TNFRSF10C: variants seen among roughly 807,000 people sequenced by gnomAD.
The protein encoded by TNFRSF10C is tumor necrosis factor receptor superfamily member 10C.
In TNFRSF10C, 17 loss-of-function variants were observed where a neutral mutation model predicts 16.7. The observed-to-expected ratio is 1.02, with a 90% CI of 0.70 to 1.53. The LOEUF (loss-of-function observed/expected upper bound fraction) is 1.53, where lower values mean the gene tolerates loss of function less well. TNFRSF10C is among the 40% of genes most tolerant of loss of function. The pLI is 0.00. For missense variants in TNFRSF10C, 237 were observed against 329.7 expected (o/e 0.72, Z 2.18); for synonymous variants, 73 against 119.7 (o/e 0.61, Z 2.55).
chr8:23,112,027 C>T (rs932810787), intron 2 of TNFRSF10C, among the ~76,000 whole-genome samples: 10 of 152,120 alleles, frequency 6.6e-5, no homozygotes, highest in Non-Finnish European at 1.5e-4. Context: ...GGATACAGAG[C>T]CCTGGGATAA....
In TNFRSF10C at chr8:23,111,408, G is replaced by C. The variant is rs184517096; in HGVS notation, c.61-312G>C. Among the ~76,000 whole-genome samples, 11 of 151,982 alleles carry C rather than the reference G, an allele frequency of 7.2e-5. 1 individual carries two copies. In the South Asian group the frequency reaches 1.9e-3, roughly 26 times the overall value. On this transcript the variant is annotated intron_variant, in intron 1 of 4. Coordinates refer to ENST00000356864, the MANE Select transcript of TNFRSF10C (RefSeq NM_003841.5). ...ATTTTTGTATTTTTAGTAGAGACAG[G>C]GTTTCACCGTGTTGGCCAGGATGGT...
intron 3 of TNFRSF10C, 85 bp from the exon 4 acceptor site, chr8:23,115,423 G>A: frequency 8.5e-7 from 1 of 1,176,116 alleles, no homozygotes; most frequent in East Asian, 2.4e-5. Context: ...ACTTGGTTGA[G>A]CTGAGTGGGA....
chr8:23,109,744 A>G (rs1472431839), intron 1 of TNFRSF10C, among the ~76,000 whole-genome samples: 2 of 152,158 alleles, frequency 1.3e-5, no homozygotes, highest in Non-Finnish European at 2.9e-5. Flanking sequence ...GAAGGAGCAT[A>G]AATCAAAGAA....
At chr8:23,115,655 A>G in intron 4 of TNFRSF10C, 39 bp downstream of exon 4, 1 of 1,527,866 alleles carries the variant, frequency 6.5e-7, no homozygotes, top group Non-Finnish European at 9.0e-7. Context: ...GCTTTCAGGA[A>G]CCCGAGAAGA....
chr8:23,109,854 T>A (rs950235690), intron 1 of TNFRSF10C, among the ~76,000 whole-genome samples: 1 of 151,726 alleles, frequency 6.6e-6, no homozygotes, highest in Admixed American at 6.6e-5. Context: ...TCACTTGAGC[T>A]CAGGAGTTAA....
chr8:23,116,352 T>G (rs537552985), intron 4 of TNFRSF10C, among the ~76,000 whole-genome samples: 2 of 152,120 alleles, frequency 1.3e-5, no homozygotes, highest in African/African-American at 4.8e-5. Context: ...TCCCCTGGAG[T>G]GTGGCTCCTC....
Position 23,103,264 on chromosome 8 carries a change from T to C in TNFRSF10C, c.60+83T>C, listed in dbSNP as rs60368371. 1.9e-6 allele frequency: 3 copies of C among 1,557,240 alleles called. No homozygotes were observed. The East Asian group carries it at 7.1e-5, about 37-fold the overall frequency. On this transcript the variant is annotated intron_variant, in intron 1 of 4. Transcript: ENST00000356864. ...CAGGGAGACGGGGACACGGCAGGGA[T>C]GCCTGGCCCTGGTCACCTGCGGCCG...
chr8:23,105,809 C>T (rs190053767), intron 1 of TNFRSF10C, among the ~76,000 whole-genome samples: 66 of 152,328 alleles, frequency 4.3e-4, no homozygotes, highest in African/African-American at 1.5e-3. Flanking sequence ...ATCCTGCTTC[C>T]AGCCAGAGAA....
chr8:23,107,115 G>A (rs1813793415), intron 1 of TNFRSF10C, among the ~76,000 whole-genome samples: 1 of 152,160 alleles, frequency 6.6e-6, no homozygotes, highest in Non-Finnish European at 1.5e-5. Flanking sequence ...TGCCAAGACA[G>A]GCAGATCACT....
intron 1 of TNFRSF10C, among the ~76,000 whole-genome samples, chr8:23,105,367 T>G (rs926432024): frequency 2.0e-5 from 3 of 152,200 alleles, no homozygotes; most frequent in Non-Finnish European, 4.4e-5. Context: ...GCACCTGTCC[T>G]CCATCCAGCA....
intron 2 of TNFRSF10C, 135 bp downstream of exon 2, chr8:23,111,960 A>G: frequency 1.1e-6 from 1 of 920,200 alleles, no homozygotes; most frequent in South Asian, 1.6e-5. Flanking sequence ...TCACATACTT[A>G]ATCATGTATT....
At chr8:23,113,707 A>G (rs762998949) in intron 2 of TNFRSF10C, among the ~76,000 whole-genome samples, 2 of 152,202 alleles carry the variant, frequency 1.3e-5, no homozygotes, top group African/African-American at 4.8e-5. Flanking sequence ...CTTTTGTAAC[A>G]CGTTTTAAAA....
In TNFRSF10C at chr8:23,114,788, C is replaced by G. The variant is rs746539479; in HGVS notation, c.280+18C>G. 2.3e-5 allele frequency: 37 copies of G among 1,604,826 alleles called. No homozygotes were observed. The East Asian group carries it at 8.2e-4, about 36-fold the overall frequency. On this transcript the variant is annotated intron_variant, in intron 3 of 4. Coordinates refer to ENST00000356864, the MANE Select transcript of TNFRSF10C (RefSeq NM_003841.5). ...TAAATCAGGTACAGAATGTGTGGACCTCTTGTCCAGAGGTGGAGCGTGGGG... is the reference window on the plus strand; with the variant it reads ...TAAATCAGGTACAGAATGTGTGGACGTCTTGTCCAGAGGTGGAGCGTGGGG...
intron 1 of TNFRSF10C, 168 bp downstream of exon 1, chr8:23,103,349 C>T (rs1272825029): frequency 7.7e-7 from 1 of 1,306,398 alleles, no homozygotes; most frequent in Non-Finnish European, 1.1e-6. Context: ...GGTCCCCGGG[C>T]TGGGCAGGAG....
intron 1 of TNFRSF10C, chr8:23,103,614 G>C (rs534592616): frequency 4.9e-6 from 1 of 202,200 alleles, no homozygotes; most frequent in African/African-American, 2.4e-5. Flanking sequence ...TTTCAGCGCT[G>C]TCTTTAGCAA....
In TNFRSF10C at chr8:23,103,181, A is replaced by G. The variant is rs993047555; in HGVS notation, c.60A>G (p.Pro20=). ...TCGTCATCGTCGCGGTCCTGCTGCC[A>G]GTGAGTCCCGGCCGCGGTCCCTGGC... ...FVVVIVAVLL[P]VLAYSATTAR... is the part of the protein sequence containing the mutation. Residue 20 remains proline (P), a splice_region_variant and synonymous_variant, in exon 1 of 5, where the codon CCA becomes CCG. Coordinates refer to ENST00000356864, the MANE Select transcript of TNFRSF10C (RefSeq NM_003841.5). 6.2e-7 allele frequency: 1 copy of G among 1,610,332 alleles called. No homozygotes were observed.
intron 1 of TNFRSF10C, among the ~76,000 whole-genome samples, chr8:23,104,697 T>G (rs1813744010): frequency 6.6e-6 from 1 of 152,254 alleles, no homozygotes; most frequent in African/African-American, 2.4e-5. Context: ...CCTACACCTT[T>G]GCTACACTTA....
In TNFRSF10C at chr8:23,117,096, C is replaced by CG. The variant is rs1814004230; in HGVS notation, c.*71dup. 4 of 1,573,918 alleles carry CG rather than the reference C, an allele frequency of 2.5e-6. No homozygotes were observed. The highest frequency in any genetic ancestry group is 1.7e-6 in the Non-Finnish European group (2 of 1,163,072). ...GGTTCAGGTAGGCGCTGGCTGAGGG[C>CG]GGGGGGCGCTGGACACTCTCTGCCC... On this transcript the variant is annotated 3_prime_UTR_variant, in exon 5 of 5. Transcript: ENST00000356864.
chr8:23,112,216 G>T (rs1375894683), intron 2 of TNFRSF10C, among the ~76,000 whole-genome samples: 1 of 152,202 alleles, frequency 6.6e-6, no homozygotes, highest in East Asian at 1.9e-4. Flanking sequence ...CATGTCTATT[G>T]CATTAGGTAT....
Sources: gnomAD v4.1 joint callset for allele counts (sites outside exome capture counted in the v4.1 genomes callset) on GRCh38, gnomAD v4.1.1 for gene constraint, MANE v1.5 for transcripts, NCBI Gene and HGNC (gene_info 2026-07-23, HGNC 2026-07-21) for gene names.